The following ZNF407 variants were observed in gnomAD, a reference collection of about 807,000 sequenced individuals.
ZNF407 encodes the protein zinc finger protein 407.
Under a neutral mutation model 131.2 loss-of-function variants are expected in ZNF407, and 17 were observed. That is an observed-to-expected ratio of 0.13 (90% CI 0.09 to 0.19). The LOEUF is 0.19. ZNF407 is among the 10% of genes least tolerant of loss of function. ZNF407 has a pLI of 1.00. For missense variants in ZNF407, 2,681 were observed against 2,830.6 expected (o/e 0.95, Z 1.20); for synonymous variants, 1,156 against 1,062.0 (o/e 1.09, Z -1.72).
intron 3 of ZNF407, among the ~76,000 whole-genome samples, chr18:74,643,021 G>A (rs926997198): frequency 1.3e-5 from 2 of 152,078 alleles, no homozygotes; most frequent in African/African-American, 4.8e-5. Flanking sequence ...CTTTGTAGTT[G>A]GAACAGAATG....
chr18:75,020,850 G>T (rs1342357789), intron 8 of ZNF407, among the ~76,000 whole-genome samples: 1 of 152,170 alleles, frequency 6.6e-6, no homozygotes, highest in African/African-American at 2.4e-5. Flanking sequence ...TGTCATCCTA[G>T]TGAAACCTGA....
intron 3 of ZNF407, among the ~76,000 whole-genome samples, chr18:74,710,993 GGATGCTATTATCAATTCACTCTGTCCA>G: frequency 1.1e-5 from 1 of 88,282 alleles, no homozygotes; most frequent in African/African-American, 3.5e-5. Flanking sequence ...CATTCTCCAT[GGATGCTATTATCAATTCACTCTGTCCA>G]TTCTCCATGG....
At chr18:74,798,684 T>C (rs1052635541) in intron 4 of ZNF407, among the ~76,000 whole-genome samples, 28 of 152,144 alleles carry the variant, frequency 1.8e-4, no homozygotes, top group Non-Finnish European at 3.7e-4. Flanking sequence ...TGACAAACTT[T>C]AGTGATAGGT....
rs533457266 is a variant in ZNF407, at chr18:74,645,291, A to G, written c.4802+4169A>G. Among the ~76,000 whole-genome samples the G allele has an allele frequency of 2.6e-3, 390 of 152,200 alleles. 1 individual carries two copies. Among genetic ancestry groups the G allele is most frequent in the African/African-American group, 9.0e-3 (372 of 41,564 alleles). ...GTGTTAGTTTTTTTTAAAGAGTTGT[A>G]GAAAACTAATAATTGGCCTGTGATT... On this transcript the variant is annotated intron_variant, in intron 3 of 8. Coordinates refer to ENST00000299687, the MANE Select transcript of ZNF407 (RefSeq NM_017757.3).
chr18:75,012,584 A>C (rs1972992480), intron 8 of ZNF407, among the ~76,000 whole-genome samples: 1 of 152,126 alleles, frequency 6.6e-6, no homozygotes, highest in African/African-American at 2.4e-5. Context: ...TCTGAATTAG[A>C]CTAGCAATAA....
intron 8 of ZNF407, among the ~76,000 whole-genome samples, chr18:75,044,230 C>A (rs371372164): frequency 6.6e-6 from 1 of 151,908 alleles, no homozygotes; most frequent in East Asian, 1.9e-4. Context: ...GAATATATAG[C>A]AGCACTTGGG....
chr18:74,919,600 T>G (rs1003550073), intron 7 of ZNF407, among the ~76,000 whole-genome samples: 2 of 152,222 alleles, frequency 1.3e-5, no homozygotes, highest in East Asian at 3.9e-4. Flanking sequence ...CAGCATGGTT[T>G]GTTTGTTTCT....
intron 1 of ZNF407, among the ~76,000 whole-genome samples, chr18:74,608,427 A>G (rs1479964265): frequency 6.6e-6 from 1 of 151,098 alleles, no homozygotes; most frequent in Non-Finnish European, 1.5e-5. Context: ...GGCTCACTGC[A>G]GTTTCCGCCT....
At chr18:74,902,408 C>T (rs923068115) in intron 7 of ZNF407, among the ~76,000 whole-genome samples, 1 of 152,016 alleles carries the variant, frequency 6.6e-6, no homozygotes, top group African/African-American at 2.4e-5. Context: ...TCGCAGGAGT[C>T]GAAGAGAATA....
At chr18:74,696,321 A>G (rs1029375556) in intron 3 of ZNF407, among the ~76,000 whole-genome samples, 1 of 152,228 alleles carries the variant, frequency 6.6e-6, no homozygotes, top group African/African-American at 2.4e-5. Context: ...ATGTGATCAT[A>G]TAAAGTCAAA....
chr18:74,843,567 A>G (rs915278766), intron 4 of ZNF407, among the ~76,000 whole-genome samples: 7 of 152,210 alleles, frequency 4.6e-5, no homozygotes, highest in Non-Finnish European at 8.8e-5. Context: ...TATGCTTCCT[A>G]TGCATGGGAC....
intron 8 of ZNF407, among the ~76,000 whole-genome samples, chr18:74,930,342 C>T (rs1476470021): frequency 1.3e-5 from 2 of 152,200 alleles, no homozygotes; most frequent in Non-Finnish European, 1.5e-5. Context: ...CCGCCTGGCC[C>T]ATGGAGTGAG....
intron 7 of ZNF407, among the ~76,000 whole-genome samples, chr18:74,917,530 C>G (rs1000237885): frequency 6.6e-6 from 1 of 152,080 alleles, no homozygotes; most frequent in African/African-American, 2.4e-5. Context: ...TAAATTCTCT[C>G]CCCTCCCTTT....
At chr18:74,958,753 G>A (rs964876311) in intron 8 of ZNF407, among the ~76,000 whole-genome samples, 1 of 152,224 alleles carries the variant, frequency 6.6e-6, no homozygotes, top group Non-Finnish European at 1.5e-5. Context: ...CTAGCAAAAA[G>A]TGTTCTGCAC....
chr18:75,013,044 C>T lies in ZNF407; in HGVS notation c.5429-50106C>T, dbSNP rs574878644. 2.0e-3 allele frequency among the ~76,000 whole-genome samples: 295 copies of T among 151,238 alleles called. 3 individuals carry two copies. The highest frequency in any genetic ancestry group is 6.8e-3 in the African/African-American group (282 of 41,244). ...CCTAATTGTATCATGAAAAGGAGAC[C>T]GTGCCTGATGCCCATAGAGTTTGAA... On this transcript the variant is annotated intron_variant, in intron 8 of 8. Transcript: ENST00000299687.
At chr18:74,782,149 C>G (rs914016604) in intron 4 of ZNF407, among the ~76,000 whole-genome samples, 1 of 152,280 alleles carries the variant, frequency 6.6e-6, no homozygotes, top group East Asian at 1.9e-4. Context: ...ATGTGCAGCT[C>G]ACTCAAAACT....
intron 8 of ZNF407, among the ~76,000 whole-genome samples, chr18:75,045,891 G>C (rs1202236123): frequency 6.6e-6 from 1 of 152,120 alleles, no homozygotes; most frequent in Non-Finnish European, 1.5e-5. Flanking sequence ...GTAAGTCCCA[G>C]AATCTATAAA....
intron 3 of ZNF407, among the ~76,000 whole-genome samples, chr18:74,764,784 G>A (rs1431205054): frequency 6.6e-6 from 1 of 152,054 alleles, no homozygotes; most frequent in African/African-American, 2.4e-5. Context: ...TTGACCAGAA[G>A]CCTTACTGAT....
At chr18:74,973,951 G>A (rs886789788) in intron 8 of ZNF407, among the ~76,000 whole-genome samples, 9 of 152,142 alleles carry the variant, frequency 5.9e-5, no homozygotes, top group Admixed American at 5.9e-4. Flanking sequence ...CATCTACAAT[G>A]ACCCTGTTCC....
Sources: gnomAD v4.1 joint callset for allele counts (sites outside exome capture counted in the v4.1 genomes callset) on GRCh38, gnomAD v4.1.1 for gene constraint, MANE v1.5 for transcripts, NCBI Gene and HGNC (gene_info 2026-07-23, HGNC 2026-07-21) for gene names.